The following BMP1 variants were observed in gnomAD, a reference collection of about 807,000 sequenced individuals.
The protein encoded by BMP1 is mammalian tolloid protein.
In BMP1, 63 loss-of-function variants were observed where a neutral mutation model predicts 116.8. That is an observed-to-expected ratio of 0.54 (90% CI 0.44 to 0.67). BMP1 has a LOEUF of 0.67. BMP1 is among the 30% of genes least tolerant of loss of function. BMP1 has a pLI of 0.00. For synonymous variants in BMP1, 536 were observed against 533.4 expected (o/e 1.00, Z -0.07); for missense variants, 1,183 against 1,358.9 (o/e 0.87, Z 2.04).
At chr8:22,168,789 C>T (rs764004822) in intron 1 of BMP1, among the ~76,000 whole-genome samples, 28 of 152,110 alleles carry the variant, frequency 1.8e-4, no homozygotes, top group Non-Finnish European at 3.1e-4. Flanking sequence ...ATTTCAGTGC[C>T]GCAAGGGGTG....
At chr8:22,176,472 G>A in intron 3 of BMP1, 61 bp from the exon 4 acceptor site, 1 of 1,583,440 alleles carries the variant, frequency 6.3e-7, no homozygotes, top group Non-Finnish European at 8.7e-7. Flanking sequence ...ACTCTTCAGT[G>A]GTGGGTAGGG....
intron 14 of BMP1, 48 bp downstream of exon 14, chr8:22,196,888 G>A (rs778543547): frequency 3.2e-6 from 5 of 1,574,076 alleles, no homozygotes; most frequent in African/African-American, 2.7e-5. Flanking sequence ...TGTGAGGCGT[G>A]GGCATTCAGC....
At chr8:22,184,277 C>G (rs2131861938) in intron 8 of BMP1, among the ~76,000 whole-genome samples, 1 of 152,320 alleles carries the variant, frequency 6.6e-6, no homozygotes, top group South Asian at 2.1e-4. Context: ...CAGCTTCCTT[C>G]CCTGTTCTTC....
At chr8:22,204,352 C>G (rs2131899064) in intron 16 of BMP1, among the ~76,000 whole-genome samples, 1 of 152,308 alleles carries the variant, frequency 6.6e-6, no homozygotes, top group African/African-American at 2.4e-5. Context: ...CCCCACCAGT[C>G]ATAGTGCCTG....
At chr8:22,199,674 G>C (rs967599488) in intron 15 of BMP1, among the ~76,000 whole-genome samples, 10 of 152,214 alleles carry the variant, frequency 6.6e-5, no homozygotes, top group South Asian at 6.2e-4. Context: ...CAGTCCGTAA[G>C]CTGGGCCCCC....
intron 15 of BMP1, chr8:22,198,886 C>A (rs1829169627): frequency 8.9e-7 from 1 of 1,121,618 alleles, no homozygotes; most frequent in Non-Finnish European, 1.1e-6. Context: ...TTTCTTCCTT[C>A]CCTGTGCCCA....
In BMP1 at chr8:22,207,482, C is replaced by T. The variant is rs372077043; in HGVS notation, c.2541C>T (p.Val847=). The change falls in exon 18 of 20, where the codon GTC becomes GTT. Residue 847 remains valine, a synonymous_variant. Transcript: ENST00000306385. ...MFLRFYSDNS[V]QRKGFQASHA... The stretch of plus-strand genomic sequence containing the variant: ...TGCGCTTCTACTCAGATAACTCGGT[C>T]CAGCGAAAGGGCTTCCAGGCCTCCC... 1 of 1,613,816 alleles carries T rather than the reference C, an allele frequency of 6.2e-7. No homozygotes were observed. Among genetic ancestry groups the T allele is most frequent in the Non-Finnish European group, 8.5e-7 (1 of 1,180,038 alleles).
intron 16 of BMP1, among the ~76,000 whole-genome samples, chr8:22,205,905 T>C (rs1256988672): frequency 3.9e-5 from 6 of 152,200 alleles, no homozygotes; most frequent in Non-Finnish European, 4.4e-5. Flanking sequence ...CAGTGGATGA[T>C]GACAAAGCCC....
intron 1 of BMP1, among the ~76,000 whole-genome samples, chr8:22,167,515 G>A (rs921436797): frequency 6.6e-6 from 1 of 152,184 alleles, no homozygotes; most frequent in South Asian, 2.1e-4. Flanking sequence ...AGAATGGGTG[G>A]GAAGCCATTC....
chr8:22,174,456 A>G (rs1302779716), intron 2 of BMP1, among the ~76,000 whole-genome samples: 1 of 151,920 alleles, frequency 6.6e-6, no homozygotes, highest in Non-Finnish European at 1.5e-5. Flanking sequence ...CAGGAATGGG[A>G]GGGATGAGGG....
chr8:22,210,468 T>TCTCTCTCTCACA (rs10664439), intron 19 of BMP1, among the ~76,000 whole-genome samples: 17 of 135,560 alleles, frequency 1.3e-4, no homozygotes, highest in African/African-American at 5.0e-4. Flanking sequence ...TCTCTCTCTC[T>TCTCTCTCTCACA]CACACACATA....
chr8:22,192,183 A>G, intron 9 of BMP1, 32 bp downstream of exon 9: 1 of 1,574,562 alleles, frequency 6.4e-7, no homozygotes, highest in South Asian at 1.1e-5. Flanking sequence ...TGCCCCCTCC[A>G]TGCTGATTCC....
intron 5 of BMP1, 33 bp from the exon 6 acceptor site, chr8:22,177,819 T>C (rs760350011): frequency 7.3e-7 from 1 of 1,373,260 alleles, no homozygotes; most frequent in Non-Finnish European, 1.0e-6. Context: ...CACCCCCTCC[T>C]CTCCCCCCAC....
intron 15 of BMP1, chr8:22,201,380 G>C (rs1829259568): frequency 6.8e-7 from 1 of 1,466,296 alleles, no homozygotes; most frequent in Non-Finnish European, 8.9e-7. Context: ...GCGGACCGGG[G>C]ACCCTTCCCC....
chr8:22,186,576 T>G (rs545785898), intron 8 of BMP1, among the ~76,000 whole-genome samples: 6 of 152,010 alleles, frequency 3.9e-5, no homozygotes, highest in Admixed American at 2.0e-4. Flanking sequence ...AAGCAATTTT[T>G]CTGCCTCAGC....
At chr8:22,170,346 A>C (rs1463493862) in intron 1 of BMP1, 1 of 152,438 alleles carries the variant, frequency 6.6e-6, no homozygotes, top group Non-Finnish European at 1.5e-5. Context: ...TTGTGTTGGG[A>C]TAATATTAAA....
At chr8:22,201,087 G>A in intron 15 of BMP1, 1 of 1,577,130 alleles carries the variant, frequency 6.3e-7, no homozygotes. Context: ...CCACCCCTTG[G>A]TCCCTTTTCT....
rs1239132478 is a variant in BMP1, at chr8:22,197,133, G to C, written c.1927-107G>C. ...CAGGAGGATCCAGTGAGGGGGCGTA[G>C]CTAAGTCAAGGCTAAAGGATGTGCA... On this transcript the variant is annotated intron_variant, in intron 14 of 19. Transcript: ENST00000306385. 81 of 1,424,056 alleles carry C rather than the reference G, an allele frequency of 5.7e-5. No homozygotes were observed. In the Middle Eastern group the frequency reaches 2.0e-3, roughly 35 times the overall value. The allele number at this position is 1,424,056 out of a possible 1,614,324, so 88.2% of individuals were successfully genotyped here. A position where few individuals can be genotyped will look rare whatever the true frequency, so the allele number is the denominator to read the frequency against.
intron 8 of BMP1, among the ~76,000 whole-genome samples, chr8:22,187,952 G>A (rs950825069): frequency 1.3e-5 from 2 of 152,080 alleles, no homozygotes; most frequent in African/African-American, 4.8e-5. Flanking sequence ...AAGATCATGC[G>A]GCAAGGTCAG....
Sources: gnomAD v4.1 joint callset for allele counts (sites outside exome capture counted in the v4.1 genomes callset) on GRCh38, gnomAD v4.1.1 for gene constraint, MANE v1.5 for transcripts, NCBI Gene and HGNC (gene_info 2026-07-23, HGNC 2026-07-21) for gene names.